Variants in STK10 observed in about 807,000 individuals in gnomAD.
STK10 encodes the protein serine/threonine-protein kinase 10.
STK10 carries 78 observed loss-of-function variants against 113.8 expected under a neutral mutation model. That is an observed-to-expected ratio of 0.69 (90% CI 0.57 to 0.83). The LOEUF (loss-of-function observed/expected upper bound fraction) is 0.83. Among genes scored for constraint, STK10 ranks in the 40% least tolerant of loss-of-function variants. STK10 has a pLI of 0.00. For synonymous variants in STK10, 465 were observed against 494.7 expected, an observed-to-expected ratio of 0.94 and a Z score of 0.80; for missense variants, 1,109 against 1,280.1, an observed-to-expected ratio of 0.87 and a Z score of 2.04.
chr5:172,160,879 A>C (rs1770456631), intron 1 of STK10, among the ~76,000 whole-genome samples: 1 of 152,070 alleles, frequency 6.6e-6, no homozygotes, highest in Non-Finnish European at 1.5e-5. Flanking sequence ...CTAACGTCAA[A>C]ATTTTCTGCA....
At chr5:172,085,017 G>A (rs1768519513) in intron 10 of STK10, among the ~76,000 whole-genome samples, 1 of 152,144 alleles carries the variant, frequency 6.6e-6, no homozygotes, top group Admixed American at 6.5e-5. Context: ...GGCCGAGTTG[G>A]GAGGATCACT....
intron 7 of STK10, among the ~76,000 whole-genome samples, chr5:172,097,794 G>C (rs1768892064): frequency 6.6e-6 from 1 of 152,136 alleles, no homozygotes; most frequent in South Asian, 2.1e-4. Flanking sequence ...AGGCAGAGTG[G>C]TGTATGTTCT....
At chr5:172,057,235 G>C (rs1269727268) in intron 15 of STK10, 114 bp downstream of exon 15, 1 of 1,466,412 alleles carries the variant, frequency 6.8e-7, no homozygotes, top group East Asian at 2.5e-5. Context: ...CTCCTCTTGG[G>C]GGCACTTGTC....
rs766991203 is a variant in STK10, at chr5:172,188,092, G to T, written c.-50C>A. On this transcript the variant is annotated 5_prime_UTR_variant, in exon 1 of 19. Coordinates refer to ENST00000176763, the MANE Select transcript of STK10 (RefSeq NM_005990.4). The surrounding 1 kb of genome is among the most constrained non-coding windows in gnomAD (Gnocchi z 5.6). ...TCGGGCTCGGGCTCGGGCTCGGGCTGTGGCTTCGGCGGCCGCGAGGAGAAG... is the reference window on the plus strand; with the variant it reads ...TCGGGCTCGGGCTCGGGCTCGGGCTTTGGCTTCGGCGGCCGCGAGGAGAAG... 10 of 1,586,336 alleles carry T rather than the reference G, an allele frequency of 6.3e-6. No homozygotes were observed. The African/African-American group carries it at 1.2e-4, about 19-fold the overall frequency.
At chr5:172,047,505 C>T (rs1767515519) in intron 18 of STK10, among the ~76,000 whole-genome samples, 1 of 152,116 alleles carries the variant, frequency 6.6e-6, no homozygotes, top group South Asian at 2.1e-4. Context: ...ATGGAAAGTC[C>T]CAGCAGACCA....
intron 15 of STK10, 76 bp downstream of exon 15, chr5:172,057,273 C>T (rs1767826025): frequency 2.0e-6 from 3 of 1,535,694 alleles, no homozygotes; most frequent in Non-Finnish European, 2.6e-6. Context: ...AAGAGGTGCC[C>T]CATCACATAC....
chr5:172,054,374 T>C (rs551288392), intron 17 of STK10, among the ~76,000 whole-genome samples, 195 bp downstream of exon 17: 1 of 152,298 alleles, frequency 6.6e-6, no homozygotes, highest in South Asian at 2.1e-4. Flanking sequence ...GTGAGAGCTA[T>C]GGCTTAGGAG....
intron 1 of STK10, among the ~76,000 whole-genome samples, chr5:172,184,490 T>C (rs1256758786): frequency 6.6e-6 from 1 of 152,098 alleles, no homozygotes; most frequent in Non-Finnish European, 1.5e-5. Flanking sequence ...GGGTACATGC[T>C]AAGGCCAAGT....
In STK10 at chr5:172,149,522, CTGTGTG is replaced by C. The variant is rs367896863; in HGVS notation, c.321+7096_321+7101del. On this transcript the variant is annotated intron_variant, in intron 2 of 18. Transcript: ENST00000176763. ...TGTGTGTGTGTGTGTGTGTGTGTGT[CTGTGTG>C]TGTGTGTGTGTGTGTCCCAACAACC... Among the ~76,000 whole-genome samples the C allele has an allele frequency of 7.3e-5, 10 of 136,526 alleles. No individual in the cohort carries two copies. The South Asian group carries it at 2.1e-3, about 29-fold the overall frequency. The allele number at this position is 136,526 out of a possible 152,430, so 89.6% of individuals were successfully genotyped here.
chr5:172,169,281 C>CG (rs141655866), intron 1 of STK10, among the ~76,000 whole-genome samples: 1,574 of 152,284 alleles, frequency 0.01, 34 homozygotes, highest in African/African-American at 0.035. Flanking sequence ...AAAGGCTCAG[C>CG]CCACCTGACT....
At chr5:172,125,188 G>A (rs182166750) in intron 3 of STK10, among the ~76,000 whole-genome samples, 3 of 152,176 alleles carry the variant, frequency 2.0e-5, no homozygotes, top group East Asian at 1.9e-4. Context: ...TGGCTCTTTC[G>A]GCATCTGCAT....
chr5:172,180,212 C>G (rs1272132017), intron 1 of STK10, among the ~76,000 whole-genome samples: 2 of 152,246 alleles, frequency 1.3e-5, no homozygotes, highest in African/African-American at 4.8e-5. Context: ...GCCTGTAATC[C>G]CAGCAGTTTG....
chr5:172,098,481 G>A (rs1768906504), intron 7 of STK10, among the ~76,000 whole-genome samples: 1 of 152,218 alleles, frequency 6.6e-6, no homozygotes, highest in South Asian at 2.1e-4. Context: ...AGACGGGCAG[G>A]ATGGTGGGAC....
chr5:172,121,707 T>C (rs1363242431), intron 3 of STK10, among the ~76,000 whole-genome samples: 1 of 151,554 alleles, frequency 6.6e-6, no homozygotes, highest in East Asian at 1.9e-4. Context: ...CAAAACTCTG[T>C]CTCTAAATAA....
At chr5:172,168,348 C>G (rs1053663879) in intron 1 of STK10, among the ~76,000 whole-genome samples, 49 of 152,304 alleles carry the variant, frequency 3.2e-4, no homozygotes, top group African/African-American at 1.1e-3. Context: ...ACGGTCACAG[C>G]AGAACTGACT....
At chr5:172,106,430 G>GAAAAAAAAAAAAAA (rs1769111800) in intron 6 of STK10, among the ~76,000 whole-genome samples, 190 bp downstream of exon 6, 1 of 64,608 alleles carries the variant, frequency 1.5e-5, no homozygotes, top group South Asian at 6.6e-4. Context: ...GAACACAAAG[G>GAAAAAAAAAAAAAA]GAAAAAGAGG....
chr5:172,167,207 G>GAC (rs1405651914), intron 1 of STK10, among the ~76,000 whole-genome samples: 9 of 151,458 alleles, frequency 5.9e-5, no homozygotes, highest in Non-Finnish European at 1.2e-4. Context: ...AATGTACTAG[G>GAC]ATCATGTTCA....
chr5:172,166,172 G>C (rs547689269), intron 1 of STK10, among the ~76,000 whole-genome samples: 1 of 152,320 alleles, frequency 6.6e-6, no homozygotes, highest in African/African-American at 2.4e-5. Context: ...AGAATGAAAG[G>C]CTGAAGGGTC....
In STK10 at chr5:172,044,645, G is replaced by T; in HGVS notation, c.*237C>A. 1 of 609,308 alleles carries T rather than the reference G, an allele frequency of 1.6e-6. No individual in the cohort carries two copies. Among genetic ancestry groups the T allele is most frequent in the African/African-American group, 1.8e-5 (1 of 54,104 alleles). The allele number at this position is 609,308 out of a possible 1,614,324, so 37.7% of individuals were successfully genotyped here. ...CTTGAAGGGATCTGGGGCTCAAGGAGAATATACATTAGGTTCAGGTGACAA... is the reference window on the plus strand; with the variant it reads ...CTTGAAGGGATCTGGGGCTCAAGGATAATATACATTAGGTTCAGGTGACAA... On this transcript the variant is annotated 3_prime_UTR_variant, in exon 19 of 19. Coordinates refer to ENST00000176763, the MANE Select transcript of STK10 (RefSeq NM_005990.4). This position sits in a 1 kb window ranked among gnomAD's most constrained non-coding sequence, Gnocchi z 4.5.
Sources: allele counts gnomAD v4.1 joint callset (sites outside exome capture counted in the v4.1 genomes callset), GRCh38; gene constraint gnomAD v4.1.1; non-coding constraint Gnocchi (gnomAD v3.1); transcripts MANE v1.5; gene names NCBI Gene and HGNC (gene_info 2026-07-23, HGNC 2026-07-21).